GRM8: variants seen among roughly 807,000 people sequenced by gnomAD.
GRM8 encodes glutamate metabotropic receptor 8.
A neutral mutation model predicts 87.2 loss-of-function variants in GRM8; 47 were observed. That is an observed-to-expected ratio of 0.54 (90% confidence interval 0.43 to 0.69). The LOEUF is 0.69. GRM8 is among the 30% of genes least tolerant of loss of function. GRM8 has a pLI of 0.00. For missense variants in GRM8, 1,019 were observed against 1,139.2 expected, an observed-to-expected ratio of 0.89 and a Z score of 1.52; for synonymous variants, 396 against 404.5, an observed-to-expected ratio of 0.98 and a Z score of 0.25.
At chr7:127,000,536 A>C (rs1467358694) in intron 3 of GRM8, among the ~76,000 whole-genome samples, 1 of 151,728 alleles carries the variant, frequency 6.6e-6, no homozygotes, top group African/African-American at 2.4e-5. Context: ...GTACCTACAA[A>C]AATTAAAAAT....
rs1250775252 is a variant in GRM8 at position 127,243,490 on chromosome 7, A to C, written c.-286T>G. ...ATGAGGTCAACAATTCATGTCCTTG[A>C]AATCAGCCTTGTAGCAGAATTATTC... On this transcript the variant is annotated 5_prime_UTR_variant, in exon 2 of 11. Coordinates refer to ENST00000339582, the MANE Select transcript of GRM8 (RefSeq NM_000845.3). 6 of 400,086 alleles carry C rather than the reference A, an allele frequency of 1.5e-5. No homozygotes were observed. The highest frequency in any genetic ancestry group is 2.7e-5 in the Non-Finnish European group (6 of 225,408). 24.8% of individuals were successfully genotyped at this position (400,086 alleles called of 1,614,324 possible). A position where few individuals can be genotyped will look rare whatever the true frequency, so the allele number is the denominator to read the frequency against.
At chr7:127,106,020 T>C (rs1000880360) in intron 3 of GRM8, among the ~76,000 whole-genome samples, 1 of 152,168 alleles carries the variant, frequency 6.6e-6, no homozygotes, top group Admixed American at 6.5e-5. Flanking sequence ...AAGTCAAATA[T>C]GACAATAAGA....
chr7:127,223,826 G>A (rs1797129521), intron 2 of GRM8, among the ~76,000 whole-genome samples: 1 of 150,470 alleles, frequency 6.6e-6, no homozygotes, highest in East Asian at 1.9e-4. Flanking sequence ...CAAAGAACTA[G>A]CAAAGTAATG....
chr7:126,443,671 GACTTT>G (rs1801707793), intron 10 of GRM8, among the ~76,000 whole-genome samples: 1 of 151,674 alleles, frequency 6.6e-6, no homozygotes, highest in Non-Finnish European at 1.5e-5. Flanking sequence ...TTTACTTTTT[GACTTT>G]ACTTCACCTT....
intron 8 of GRM8, among the ~76,000 whole-genome samples, chr7:126,597,634 A>G (rs1462248176): frequency 2.0e-5 from 3 of 151,956 alleles, no homozygotes; most frequent in African/African-American, 7.2e-5. Context: ...TTATTACTTT[A>G]TTATCTCCAT....
chr7:126,941,975 C>A (rs574266058), intron 3 of GRM8, among the ~76,000 whole-genome samples: 54 of 152,316 alleles, frequency 3.5e-4, no homozygotes, highest in African/African-American at 1.3e-3. Flanking sequence ...CTTTGGCATA[C>A]CTTTCTGCAA....
At chr7:127,009,791 C>A (rs1278252628) in intron 3 of GRM8, among the ~76,000 whole-genome samples, 1 of 151,670 alleles carries the variant, frequency 6.6e-6, no homozygotes, top group South Asian at 2.1e-4. Flanking sequence ...CCTTTAAATT[C>A]TTTTCAACCC....
chr7:126,619,250 C>T (rs1054516558), intron 7 of GRM8, among the ~76,000 whole-genome samples: 7 of 152,134 alleles, frequency 4.6e-5, no homozygotes, highest in African/African-American at 7.2e-5. Flanking sequence ...TGGAAATCAT[C>T]GTTCTCAGCA....
At chr7:127,201,087 C>T (rs1795561527) in intron 2 of GRM8, among the ~76,000 whole-genome samples, 1 of 152,100 alleles carries the variant, frequency 6.6e-6, no homozygotes, top group Non-Finnish European at 1.5e-5. Context: ...TTTCATATTG[C>T]TTCATTTGAT....
intron 3 of GRM8, among the ~76,000 whole-genome samples, chr7:127,011,198 C>T (rs1814857935): frequency 6.6e-6 from 1 of 152,118 alleles, no homozygotes; most frequent in Non-Finnish European, 1.5e-5. Flanking sequence ...TTAAAACTCA[C>T]AGCAATACTT....
At chr7:126,730,386 G>A (rs1274803824) in intron 7 of GRM8, among the ~76,000 whole-genome samples, 1 of 152,162 alleles carries the variant, frequency 6.6e-6, no homozygotes, top group Non-Finnish European at 1.5e-5. Context: ...TCCAAGATTA[G>A]AGATGCTCAA....
At chr7:126,584,913 G>C (rs918918673) in intron 8 of GRM8, among the ~76,000 whole-genome samples, 2 of 151,938 alleles carry the variant, frequency 1.3e-5, no homozygotes, top group Non-Finnish European at 2.9e-5. Flanking sequence ...AAAATAAGTG[G>C]TTATTATATG....
At chr7:126,875,290 A>C (rs981529750) in intron 6 of GRM8, among the ~76,000 whole-genome samples, 5 of 151,930 alleles carry the variant, frequency 3.3e-5, no homozygotes, top group Non-Finnish European at 5.9e-5. Flanking sequence ...AAAAAAAAAA[A>C]CAAACAGAAT....
chr7:126,615,134 G>T (rs1170129584), intron 7 of GRM8, among the ~76,000 whole-genome samples: 1 of 152,108 alleles, frequency 6.6e-6, no homozygotes, highest in East Asian at 1.9e-4. Context: ...GAAATGTAGG[G>T]TTACCCACAA....
intron 3 of GRM8, among the ~76,000 whole-genome samples, chr7:127,096,013 A>G (rs1824616081): frequency 6.6e-6 from 1 of 152,210 alleles, no homozygotes; most frequent in Admixed American, 6.5e-5. Context: ...GCCATTTCTG[A>G]CTGGTATTTC....
chr7:126,527,740 T>C (rs1814085070), intron 9 of GRM8, among the ~76,000 whole-genome samples: 1 of 152,176 alleles, frequency 6.6e-6, no homozygotes, highest in African/African-American at 2.4e-5. Flanking sequence ...TGCTCTCTGA[T>C]GATATTTTTT....
rs78445487 is a variant in GRM8 at position 127,024,275 on chromosome 7, T to C, written c.727+82221A>G. On this transcript the variant is annotated intron_variant, in intron 3 of 10. Transcript: ENST00000339582. Reference sequence around the variant, plus strand: ...GCCTGGCCCAGGGCATGGCACTTAGTGAGCACTGAGGACATGACAGCTGTT... The same window carrying C: ...GCCTGGCCCAGGGCATGGCACTTAGCGAGCACTGAGGACATGACAGCTGTT... 2.0e-5 allele frequency among the ~76,000 whole-genome samples: 3 copies of C among 152,210 alleles called. No homozygotes were observed. In the East Asian group the frequency reaches 5.8e-4, roughly 30 times the overall value.
chr7:126,550,448 A>G (rs1186430074), intron 8 of GRM8, among the ~76,000 whole-genome samples: 1 of 152,168 alleles, frequency 6.6e-6, no homozygotes, highest in African/African-American at 2.4e-5. Context: ...TAAATTTCTT[A>G]ATAGATTAAA....
At chr7:127,151,544 T>A (rs1219408715) in intron 2 of GRM8, among the ~76,000 whole-genome samples, 1 of 152,094 alleles carries the variant, frequency 6.6e-6, no homozygotes, top group Admixed American at 6.6e-5. Context: ...TTTTCTACAG[T>A]TCACATAGGA....
Sources: gnomAD v4.1 joint callset for allele counts (sites outside exome capture counted in the v4.1 genomes callset) on GRCh38, gnomAD v4.1.1 for gene constraint, MANE v1.5 for transcripts, NCBI Gene and HGNC (gene_info 2026-07-23, HGNC 2026-07-21) for gene names.